The following USP42 variants were observed in gnomAD, a reference collection of about 807,000 sequenced individuals.
USP42 encodes ubiquitin carboxyl-terminal hydrolase 42.
A neutral mutation model predicts 113.0 loss-of-function variants in USP42; 23 were observed. That is an observed-to-expected ratio of 0.20 (90% CI 0.15 to 0.29). The LOEUF (loss-of-function observed/expected upper bound fraction) is 0.29. USP42 is among the 10% of genes least tolerant of loss of function. The probability of loss-of-function intolerance (pLI) is 1.00; values close to 1 mark genes in which losing one functional copy is unlikely to be tolerated. For synonymous variants in USP42, 933 were observed against 699.0 expected (o/e 1.33, Z -5.28); for missense variants, 2,174 against 1,779.8 (o/e 1.22, Z -3.99).
chr7:6,148,415 G>A (rs1312319858), intron 12 of USP42, among the ~76,000 whole-genome samples: 2 of 152,130 alleles, frequency 1.3e-5, no homozygotes, highest in Non-Finnish European at 2.9e-5. Flanking sequence ...GGAAAGCCTG[G>A]GTGTCAGCAC....
chr7:6,108,830 A>G (rs1381797056), intron 1 of USP42, among the ~76,000 whole-genome samples: 1 of 152,202 alleles, frequency 6.6e-6, no homozygotes, highest in African/African-American at 2.4e-5. Context: ...AGAGTTTTTT[A>G]AGGATCAAAT....
chr7:6,100,841 T>A (rs187816074), upstream of USP42, among the ~76,000 whole-genome samples: 2 of 150,728 alleles, frequency 1.3e-5, no homozygotes, highest in Non-Finnish European at 2.9e-5. Flanking sequence ...TAATTTTTTG[T>A]ATTTTTAGAA....
intron 3 of USP42, among the ~76,000 whole-genome samples, chr7:6,130,528 A>G (rs1482697959): frequency 6.6e-6 from 1 of 152,178 alleles, no homozygotes; most frequent in Non-Finnish European, 1.5e-5. Context: ...GATTGTCACA[A>G]CGTGGGGTGG....
the USP42 span, among the ~76,000 whole-genome samples, chr7:6,089,975 T>C: frequency 4.7e-5 from 7 of 150,316 alleles, no homozygotes; most frequent in Non-Finnish European, 7.4e-5. Flanking sequence ...CACTCCAGCC[T>C]GGGCGACAGA....
At position 6,126,992 on chromosome 7, in the gene USP42, T is replaced by C. The variant is rs143042148; in HGVS notation, c.443-8849T>C. ...GCTTCCTTGCATCTTTGCCAACATT[T>C]GCTGTTGTCACTAGTGTTCATTTTA... On this transcript the variant is annotated intron_variant, in intron 3 of 17. Transcript: ENST00000306177. 1.2e-4 allele frequency among the ~76,000 whole-genome samples: 18 copies of C among 152,352 alleles called. No individual in the cohort carries two copies. In the East Asian group the frequency reaches 3.5e-3, roughly 29 times the overall value.
At chr7:6,095,435 T>G in the USP42 span, among the ~76,000 whole-genome samples, 1 of 150,576 alleles carries the variant, frequency 6.6e-6, no homozygotes, top group Non-Finnish European at 1.5e-5. Flanking sequence ...TTTGGCAGGT[T>G]GAGGCAGGCA....
At chr7:6,104,849 C>A (rs1044660982), upstream of USP42, 7 of 147,672 alleles carry the variant, frequency 4.7e-5, no homozygotes, top group African/African-American at 1.7e-4. Context: ...GCGGCGCGTT[C>A]GGGCGCGGCC....
Position 6,157,333 on chromosome 7 carries a change from C to T in USP42, c.3943+278C>T. On this transcript the variant is annotated intron_variant, in intron 16 of 17. Coordinates refer to ENST00000306177, the MANE Select transcript of USP42 (RefSeq NM_032172.3). The surrounding 1 kb of genome is among the most constrained non-coding windows in gnomAD (Gnocchi z 4.1). ...AAGCCCTGGAACGTACAGCTCTAGG[C>T]ATCTGACTTTGCCTTGCAAAGGACC... 2.7e-6 allele frequency: 3 copies of T among 1,102,166 alleles called. No individual in the cohort carries two copies. The highest frequency in any genetic ancestry group is 3.3e-6 in the Non-Finnish European group (3 of 905,924). The allele number at this position is 1,102,166 out of a possible 1,614,324, so 68.3% of individuals were successfully genotyped here.
At chr7:6,104,058 G>C (rs1172086283), upstream of USP42, among the ~76,000 whole-genome samples, 1 of 151,388 alleles carries the variant, frequency 6.6e-6, no homozygotes, top group Non-Finnish European at 1.5e-5. Context: ...ACTCCAGCCT[G>C]GGCTACAGAC....
chr7:6,088,428 A>G, the USP42 span, among the ~76,000 whole-genome samples: 4 of 150,624 alleles, frequency 2.7e-5, no homozygotes, highest in South Asian at 8.3e-4. Context: ...GCTAATTTTT[A>G]TATATTTTTA....
intron 2 of USP42, among the ~76,000 whole-genome samples, chr7:6,112,710 T>C (rs1173639716): frequency 6.6e-6 from 1 of 152,124 alleles, no homozygotes; most frequent in Admixed American, 6.5e-5. Flanking sequence ...TAAACTTTCT[T>C]AAAACATTGA....
intron 15 of USP42, among the ~76,000 whole-genome samples, chr7:6,156,521 C>T (rs1275727502): frequency 6.6e-6 from 1 of 152,154 alleles, no homozygotes; most frequent in Non-Finnish European, 1.5e-5. Context: ...GCAGTCGTAG[C>T]TCACTGCAGC....
At chr7:6,110,119 C>T (rs1219654797) in intron 1 of USP42, among the ~76,000 whole-genome samples, 1 of 151,808 alleles carries the variant, frequency 6.6e-6, no homozygotes, top group Non-Finnish European at 1.5e-5. Flanking sequence ...TAGGCATGAG[C>T]CACCGCGCCC....
chr7:6,083,016 T>C, the USP42 span, among the ~76,000 whole-genome samples: 92,448 of 147,694 alleles, frequency 0.63, 29,769 homozygotes, highest in Middle Eastern at 0.66. Context: ...CTCTGCCTCC[T>C]GGGTTCAAGC....
intron 4 of USP42, among the ~76,000 whole-genome samples, chr7:6,138,602 C>T (rs2128502937): frequency 6.6e-6 from 1 of 152,316 alleles, no homozygotes; most frequent in South Asian, 2.1e-4. Flanking sequence ...TCCCTAACCC[C>T]TGGGCCGTAG....
intron 3 of USP42, among the ~76,000 whole-genome samples, chr7:6,130,022 G>A (rs957124040): frequency 1.3e-5 from 2 of 152,072 alleles, no homozygotes; most frequent in African/African-American, 4.8e-5. Context: ...GTCTTACTTT[G>A]TTGTCCAGGC....
At chr7:6,160,519 C>T (rs1178376908) in intron 17 of USP42, 36 bp from the exon 18 acceptor site, 1 of 152,702 alleles carries the variant, frequency 6.5e-6, no homozygotes, top group Non-Finnish European at 1.5e-5. Context: ...CGCCGCCTGC[C>T]TCCAACTCAC....
upstream of USP42, among the ~76,000 whole-genome samples, chr7:6,101,805 G>A (rs990476974): frequency 2.7e-5 from 4 of 150,842 alleles, no homozygotes; most frequent in Non-Finnish European, 5.9e-5. Context: ...CTGACTGGGC[G>A]CAGTGGCTCA....
chr7:6,146,691 C>T (rs1781735463), intron 11 of USP42, among the ~76,000 whole-genome samples: 1 of 152,158 alleles, frequency 6.6e-6, no homozygotes. Context: ...ATCAACTCTG[C>T]CATGTGCCTG....
Sources: allele counts gnomAD v4.1 joint callset (sites outside exome capture counted in the v4.1 genomes callset), GRCh38; gene constraint gnomAD v4.1.1; non-coding constraint Gnocchi (gnomAD v3.1); transcripts MANE v1.5; gene names NCBI Gene and HGNC (gene_info 2026-07-23, HGNC 2026-07-21).